The following SULT4A1 variants were observed in gnomAD, a reference collection of about 807,000 sequenced individuals.
SULT4A1 encodes the protein sulfotransferase 4A1.
Under a neutral mutation model 35.2 loss-of-function variants are expected in SULT4A1, and 11 were observed. That is an observed-to-expected ratio of 0.31 (90% CI 0.20 to 0.52). The LOEUF is 0.52. Among genes scored for constraint, SULT4A1 ranks in the 20% least tolerant of loss-of-function variants. The pLI is 0.97. For missense variants in SULT4A1, 271 were observed against 383.7 expected (o/e 0.71, Z 2.45); for synonymous variants, 152 against 151.8 (o/e 1.00, Z -0.01).
intron 6 of SULT4A1, chr22:43,827,657 C>T: frequency 7.3e-7 from 1 of 1,365,750 alleles, no homozygotes; most frequent in Non-Finnish European, 9.8e-7. Context: ...GAAAACAAAT[C>T]AAAGAACTGA....
rs2049435123 is a variant in SULT4A1, at chr22:43,858,990, C to T, written c.169+3224G>A. On this transcript the variant is annotated intron_variant, in intron 1 of 6. Transcript: ENST00000330884. ...TCATTACCAGGCCATTTACCTGACC[C>T]TGAGAACAGCCACCCTGGCTTGTCA... Among the ~76,000 whole-genome samples the T allele has an allele frequency of 2.0e-5, 3 of 152,202 alleles. No individual in the cohort carries two copies. In the South Asian group the frequency reaches 6.2e-4, roughly 32 times the overall value.
At chr22:43,845,270 C>T (rs1431840163) in intron 1 of SULT4A1, among the ~76,000 whole-genome samples, 1 of 151,508 alleles carries the variant, frequency 6.6e-6, no homozygotes, top group Non-Finnish European at 1.5e-5. Flanking sequence ...AACCCAGGTC[C>T]ACCCCTCCAC....
intron 1 of SULT4A1, among the ~76,000 whole-genome samples, 153 bp from the exon 2 acceptor site, chr22:43,842,085 G>A (rs574301267): frequency 3.9e-5 from 6 of 152,332 alleles, no homozygotes; most frequent in African/African-American, 1.2e-4. Context: ...CGCCCCGCAC[G>A]GTCTCAGCCT....
At chr22:43,856,911 T>C (rs2049407327) in intron 1 of SULT4A1, among the ~76,000 whole-genome samples, 1 of 151,938 alleles carries the variant, frequency 6.6e-6, no homozygotes, top group Non-Finnish European at 1.5e-5. Context: ...TGTTGAGCAG[T>C]CAAAAGGTAC....
At chr22:43,830,880 G>A (rs559228146) in intron 5 of SULT4A1, among the ~76,000 whole-genome samples, 2 of 152,158 alleles carry the variant, frequency 1.3e-5, no homozygotes, top group African/African-American at 4.8e-5. Flanking sequence ...ATGCTCACTC[G>A]GGGCTAGTTT....
At chr22:43,855,927 C>T (rs950235718) in intron 1 of SULT4A1, among the ~76,000 whole-genome samples, 1 of 152,178 alleles carries the variant, frequency 6.6e-6, no homozygotes, top group African/African-American at 2.4e-5. Context: ...GGAAGAGAAG[C>T]CAGCCCATGC....
intron 1 of SULT4A1, 54 bp from the exon 2 acceptor site, chr22:43,841,986 C>A: frequency 6.3e-7 from 1 of 1,578,832 alleles, no homozygotes; most frequent in South Asian, 1.1e-5. Context: ...ACGCGCCCGG[C>A]CCTGTGCTCG....
chr22:43,830,418 G>C (rs1270870728), intron 5 of SULT4A1, among the ~76,000 whole-genome samples: 1 of 152,230 alleles, frequency 6.6e-6, no homozygotes, highest in African/African-American at 2.4e-5. Context: ...GTTTCTGCCA[G>C]GCTACATCCA....
intron 1 of SULT4A1, among the ~76,000 whole-genome samples, chr22:43,856,045 C>T (rs1042746130): frequency 6.6e-6 from 1 of 152,226 alleles, no homozygotes; most frequent in Non-Finnish European, 1.5e-5. Flanking sequence ...GAGAATCTCA[C>T]ACTGAGCAGA....
chr22:43,838,772 T>A, intron 4 of SULT4A1, 95 bp downstream of exon 4: 1 of 1,544,148 alleles, frequency 6.5e-7, no homozygotes, highest in Non-Finnish European at 8.8e-7. Flanking sequence ...CTGTCAGAAC[T>A]GGAGACCGTG....
intron 3 of SULT4A1, among the ~76,000 whole-genome samples, chr22:43,839,236 C>T (rs2063404510): frequency 6.6e-6 from 1 of 152,242 alleles, no homozygotes; most frequent in Admixed American, 6.5e-5. Context: ...TATTTCTGTC[C>T]TCTAGAACTA....
intron 4 of SULT4A1, among the ~76,000 whole-genome samples, chr22:43,835,418 C>G (rs2063362826): frequency 6.6e-6 from 1 of 152,210 alleles, no homozygotes; most frequent in African/African-American, 2.4e-5. Context: ...GGAAGCAGCC[C>G]AGCTGGATGA....
chr22:43,847,329 C>T (rs2148296865), intron 1 of SULT4A1, among the ~76,000 whole-genome samples: 1 of 152,356 alleles, frequency 6.6e-6, no homozygotes, highest in Non-Finnish European at 1.5e-5. Context: ...TTACCCCATT[C>T]CAGGCACACT....
Position 43,836,607 on chromosome 22 carries a change from C to T in SULT4A1, c.508+2260G>A, listed in dbSNP as rs1317879620. ...TGCCACAGGGACCCTGTCTACACAG[C>T]GTCCTCACACTGCAGGTGCCACAGG... On this transcript the variant is annotated intron_variant, in intron 4 of 6. Transcript: ENST00000330884. Among the ~76,000 whole-genome samples the T allele has an allele frequency of 1.7e-4, 22 of 129,310 alleles. 1 individual carries two copies. Among genetic ancestry groups the T allele is most frequent in the Non-Finnish European group, 3.3e-4 (20 of 59,808 alleles). The allele number at this position is 129,310 out of a possible 152,430, so 84.8% of individuals were successfully genotyped here.
At chr22:43,853,701 G>A (rs2049369471) in intron 1 of SULT4A1, among the ~76,000 whole-genome samples, 1 of 152,238 alleles carries the variant, frequency 6.6e-6, no homozygotes, top group Admixed American at 6.5e-5. Context: ...GCTCCTCTGG[G>A]CCTCAGTTTC....
At chr22:43,856,935 G>A (rs2049407703) in intron 1 of SULT4A1, among the ~76,000 whole-genome samples, 1 of 152,016 alleles carries the variant, frequency 6.6e-6, no homozygotes, top group African/African-American at 2.4e-5. Context: ...TCACAAAAAA[G>A]GCACACGCGC....
chr22:43,848,231 C>G (rs897505602), intron 1 of SULT4A1, among the ~76,000 whole-genome samples: 1 of 152,210 alleles, frequency 6.6e-6, no homozygotes, highest in East Asian at 1.9e-4. Flanking sequence ...CACAGAGCTG[C>G]TGGGGTCAAA....
Position 43,862,195 on chromosome 22 carries a change from C to T in SULT4A1, c.169+19G>A. ...GGGCTGGGGCATGGCGTGGCGGGCGCGGTCGGCGCGGGGCTCACCGGACTT... is the reference window on the plus strand; with the variant it reads ...GGGCTGGGGCATGGCGTGGCGGGCGTGGTCGGCGCGGGGCTCACCGGACTT... On this transcript the variant is annotated intron_variant, in intron 1 of 6. Transcript: ENST00000330884. 4 of 1,492,536 alleles carry T rather than the reference C, an allele frequency of 2.7e-6. No homozygotes were observed. The highest frequency in any genetic ancestry group is 2.5e-5 in the South Asian group (2 of 81,034). 92.5% of individuals were successfully genotyped at this position (1,492,536 alleles called of 1,614,324 possible). A position where few individuals can be genotyped will look rare whatever the true frequency, so the allele number is the denominator to read the frequency against.
chr22:43,862,227 G>A lies in SULT4A1; in HGVS notation c.156C>T (p.Thr52=), dbSNP rs1348390430. 3 of 1,559,624 alleles carry A rather than the reference G, an allele frequency of 1.9e-6. No homozygotes were observed. Among genetic ancestry groups the A allele is most frequent in the Non-Finnish European group, 2.6e-6 (3 of 1,152,478 alleles). ...PVRPSDVWIV[T]YPKSGTSLLQ... Reference sequence around the variant, plus strand: ...CGCGGGGCTCACCGGACTTGGGGTAGGTGACGATCCACACGTCGCTGGGCC... The same window carrying A: ...CGCGGGGCTCACCGGACTTGGGGTAAGTGACGATCCACACGTCGCTGGGCC... The change falls in exon 1 of 7, where the codon ACC becomes ACT. Residue 52 remains threonine (T), a synonymous_variant. Transcript: ENST00000330884.
Sources: gnomAD v4.1 joint callset for allele counts (sites outside exome capture counted in the v4.1 genomes callset) on GRCh38, gnomAD v4.1.1 for gene constraint, MANE v1.5 for transcripts, NCBI Gene and HGNC (gene_info 2026-07-23, HGNC 2026-07-21) for gene names.